The following TANC1 variants were observed in gnomAD, a reference collection of about 807,000 sequenced individuals.
TANC1 encodes tetratricopeptide repeat, ankyrin repeat and coiled-coil containing 1.
TANC1 carries 77 observed loss-of-function variants against 149.7 expected under a neutral mutation model. That is an observed-to-expected ratio of 0.51 (90% CI 0.43 to 0.62). The LOEUF (loss-of-function observed/expected upper bound fraction) is 0.62. Among genes scored for constraint, TANC1 ranks in the 20% least tolerant of loss-of-function variants. The pLI, the probability that TANC1 is intolerant of heterozygous loss-of-function variation, is 0.00. For missense variants in TANC1, 1,985 were observed against 2,321.8 expected, an observed-to-expected ratio of 0.85 and a Z score of 2.98; for synonymous variants, 854 against 925.0, an observed-to-expected ratio of 0.92 and a Z score of 1.39.
chr2:158,979,308 G>A (rs1458972387), intron 1 of TANC1, among the ~76,000 whole-genome samples: 6 of 151,920 alleles, frequency 3.9e-5, no homozygotes, highest in Non-Finnish European at 8.8e-5. Flanking sequence ...GGGCAACATA[G>A]GAAGTCTCTG....
chr2:159,055,610 C>T (rs1012389109), intron 2 of TANC1, among the ~76,000 whole-genome samples: 3 of 152,222 alleles, frequency 2.0e-5, no homozygotes, highest in Non-Finnish European at 2.9e-5. Context: ...CAGACTCTTT[C>T]AACTTCCTCA....
chr2:159,161,363 A>G (rs368985602), intron 7 of TANC1, among the ~76,000 whole-genome samples: 10 of 152,198 alleles, frequency 6.6e-5, no homozygotes, highest in African/African-American at 2.4e-4. Flanking sequence ...TGTCACTTGG[A>G]TGTTGGAGTA....
rs1384995440 is a variant in TANC1 at position 159,231,693 on chromosome 2, A to G, written c.*681A>G. 1.3e-5 allele frequency: 2 copies of G among 152,078 alleles called. No homozygotes were observed. The highest frequency in any genetic ancestry group is 2.1e-4 in the South Asian group (1 of 4,832). The allele number at this position is 152,078 out of a possible 1,614,324, so 9.4% of individuals were successfully genotyped here. ...ATATTTGTGCTTGAAGGTGTTTTTG[A>G]TATTTGGAAACAGTATAAGCCATTT... On this transcript the variant is annotated 3_prime_UTR_variant, in exon 27 of 27. Transcript: ENST00000263635.
At chr2:158,982,246 A>G (rs1020567543) in intron 1 of TANC1, among the ~76,000 whole-genome samples, 1 of 152,228 alleles carries the variant, frequency 6.6e-6, no homozygotes, top group African/African-American at 2.4e-5. Flanking sequence ...GTTGTGAATA[A>G]TAAGGTGACT....
rs115970908 is a variant in TANC1, at chr2:159,072,501, T to C, written c.61+6530T>C. Reference sequence around the variant, plus strand: ...TTGATTAAACTACCTTATAGTTGTATTGTCAGGGTTGAATACGAATACCTT... The same window carrying C: ...TTGATTAAACTACCTTATAGTTGTACTGTCAGGGTTGAATACGAATACCTT... On this transcript the variant is annotated intron_variant, in intron 3 of 26. Coordinates refer to ENST00000263635, the MANE Select transcript of TANC1 (RefSeq NM_033394.3). 2.1e-3 allele frequency among the ~76,000 whole-genome samples: 319 copies of C among 152,370 alleles called. 2 individuals are homozygous for C. Among genetic ancestry groups the C allele is most frequent in the African/African-American group, 7.1e-3 (296 of 41,582 alleles).
chr2:158,991,407 T>G (rs570605861), intron 1 of TANC1, among the ~76,000 whole-genome samples: 26 of 152,166 alleles, frequency 1.7e-4, no homozygotes, highest in African/African-American at 6.3e-4. Flanking sequence ...TAAGGAAAAT[T>G]TTCCAAGAAT....
At chr2:159,022,394 G>T (rs1444573170) in intron 2 of TANC1, among the ~76,000 whole-genome samples, 1 of 152,194 alleles carries the variant, frequency 6.6e-6, no homozygotes, top group Admixed American at 6.5e-5. Context: ...GAGACCACTT[G>T]AATTCAGGAT....
chr2:159,010,633 CAGATTCTA>C (rs2037661149), intron 2 of TANC1, among the ~76,000 whole-genome samples: 1 of 150,764 alleles, frequency 6.6e-6, no homozygotes, highest in Non-Finnish European at 1.5e-5. Flanking sequence ...CTCTAGTTTA[CAGATTCTA>C]ATCTGCCAAA....
chr2:159,028,109 T>C (rs562315782), intron 2 of TANC1, among the ~76,000 whole-genome samples: 1 of 152,116 alleles, frequency 6.6e-6, no homozygotes, highest in Non-Finnish European at 1.5e-5. Context: ...ATTCAAACCA[T>C]AGTATATGCT....
At chr2:158,984,455 A>AT (rs568290984) in intron 1 of TANC1, among the ~76,000 whole-genome samples, 9 of 152,240 alleles carry the variant, frequency 5.9e-5, no homozygotes, top group Non-Finnish European at 1.2e-4. Context: ...TTTTTTAAAG[A>AT]TAAAAAGTTA....
intron 2 of TANC1, chr2:159,004,379 C>T (rs184608980): frequency 7.0e-7 from 1 of 1,422,026 alleles, no homozygotes; most frequent in East Asian, 2.3e-5. Flanking sequence ...CTATGTGGTT[C>T]CAAAGTTTTA....
intron 2 of TANC1, among the ~76,000 whole-genome samples, chr2:159,048,800 C>T (rs2041260201): frequency 6.6e-6 from 1 of 152,194 alleles, no homozygotes; most frequent in South Asian, 2.1e-4. Flanking sequence ...GCAGAGTCTA[C>T]TGAAGTTTTT....
intron 13 of TANC1, among the ~76,000 whole-genome samples, chr2:159,176,744 G>A (rs970248672): frequency 3.9e-5 from 6 of 152,210 alleles, no homozygotes; most frequent in African/African-American, 1.4e-4. Flanking sequence ...GCATCGAATT[G>A]CACGTTCACT....
chr2:158,977,381 G>A (rs2033814366), intron 1 of TANC1, among the ~76,000 whole-genome samples: 1 of 152,030 alleles, frequency 6.6e-6, no homozygotes, highest in Non-Finnish European at 1.5e-5. Flanking sequence ...TGCTGTCTCA[G>A]CTCACCATAG....
intron 2 of TANC1, among the ~76,000 whole-genome samples, chr2:159,061,008 A>C (rs1467451177): frequency 1.3e-5 from 2 of 152,228 alleles, no homozygotes; most frequent in Non-Finnish European, 2.9e-5. Flanking sequence ...GAGAAATACC[A>C]GAAGTAAAAG....
Position 159,217,496 on chromosome 2 carries a change from G to T in TANC1, c.3245-1G>T. 1 of 1,614,184 alleles carries T rather than the reference G, an allele frequency of 6.2e-7. No individual in the cohort carries two copies. Among genetic ancestry groups the T allele is most frequent in the Non-Finnish European group, 8.5e-7 (1 of 1,180,034 alleles). ...TTCCCCTCCATGTGACTTTCCTTTA[G>T]CCCTGACTGCCGCCGCAGGAAGAGG... On this transcript the variant is annotated splice_acceptor_variant, in intron 19 of 26. Transcript: ENST00000263635. LOFTEE classifies it high-confidence loss of function.
chr2:159,210,575 TG>T (rs1217789030), intron 19 of TANC1, among the ~76,000 whole-genome samples: 1 of 152,098 alleles, frequency 6.6e-6, no homozygotes, highest in Non-Finnish European at 1.5e-5. Context: ...GTTTGTTTTT[TG>T]TTTTTTTTTG....
At chr2:159,130,135 CGTTGTTGTTGTT>C (rs377146026) in intron 4 of TANC1, among the ~76,000 whole-genome samples, 1 of 152,030 alleles carries the variant, frequency 6.6e-6, no homozygotes, top group African/African-American at 2.4e-5. Context: ...TCCTTGTTCT[CGTTGTTGTTGTT>C]GTTGTTTATT....
intron 3 of TANC1, among the ~76,000 whole-genome samples, chr2:159,089,825 C>T (rs961553602): frequency 1.3e-5 from 2 of 152,218 alleles, no homozygotes; most frequent in Non-Finnish European, 2.9e-5. Context: ...CTGTTATGCC[C>T]GTGTCCACTG....
Sources: allele counts gnomAD v4.1 joint callset (sites outside exome capture counted in the v4.1 genomes callset), GRCh38; gene constraint gnomAD v4.1.1; transcripts MANE v1.5; gene names NCBI Gene and HGNC (gene_info 2026-07-23, HGNC 2026-07-21).